Variants in KIAA1671 observed in about 807,000 individuals in gnomAD.
KIAA1671 encodes the protein uncharacterized protein KIAA1671.
In KIAA1671, 52 loss-of-function variants were observed where a neutral mutation model predicts 131.2. The observed-to-expected ratio is 0.40, with a 90% CI of 0.32 to 0.50. The LOEUF is 0.50. KIAA1671 is among the 20% of genes least tolerant of loss of function. KIAA1671 has a pLI of 0.73. For synonymous variants in KIAA1671, 1,003 were observed against 961.6 expected (o/e 1.04, Z -0.80); for missense variants, 2,360 against 2,364.2 (o/e 1.00, Z 0.04).
At chr22:24,957,866 C>T (rs1401840493) in intron 1 of KIAA1671, among the ~76,000 whole-genome samples, 2 of 151,132 alleles carry the variant, frequency 1.3e-5, no homozygotes, top group Admixed American at 6.6e-5. Context: ...TTATTAGAGA[C>T]AGGGTTTCTC....
At chr22:25,160,455 T>C (rs575940131) in intron 6 of KIAA1671, among the ~76,000 whole-genome samples, 2 of 152,316 alleles carry the variant, frequency 1.3e-5, no homozygotes, top group Admixed American at 1.3e-4. Flanking sequence ...GCTTGCTCTT[T>C]CGGTTCGGTC....
intron 7 of KIAA1671, 31 bp from the exon 8 acceptor site, chr22:25,174,209 C>G (rs1462149274): frequency 1.3e-6 from 2 of 1,549,370 alleles, no homozygotes; most frequent in Admixed American, 2.0e-5. Flanking sequence ...TTCTCCATAA[C>G]CATGTCTCCC....
At chr22:25,065,248 A>G (rs1928404277) in intron 6 of KIAA1671, 1 of 152,094 alleles carries the variant, frequency 6.6e-6, no homozygotes, top group Admixed American at 6.5e-5. Flanking sequence ...GAGCACCTGA[A>G]AAAAAAGGGT....
At chr22:25,113,917 C>G (rs1194279395) in intron 6 of KIAA1671, among the ~76,000 whole-genome samples, 2 of 152,162 alleles carry the variant, frequency 1.3e-5, no homozygotes, top group Non-Finnish European at 2.9e-5. Flanking sequence ...GTTTCTCTGT[C>G]ACTCCTGTTC....
chr22:25,165,670 G>A (rs1933620182), intron 6 of KIAA1671, among the ~76,000 whole-genome samples: 1 of 152,182 alleles, frequency 6.6e-6, no homozygotes, highest in South Asian at 2.1e-4. Flanking sequence ...CAGATGTAGA[G>A]ACCTGAGGTC....
At chr22:25,081,350 A>G (rs1929395818) in intron 6 of KIAA1671, among the ~76,000 whole-genome samples, 1 of 152,210 alleles carries the variant, frequency 6.6e-6, no homozygotes, top group African/African-American at 2.4e-5. Context: ...GCTCTGTGAC[A>G]TTGAACAGGT....
chr22:25,067,882 A>G (rs371280956), intron 6 of KIAA1671, among the ~76,000 whole-genome samples: 195 of 152,342 alleles, frequency 1.3e-3, no homozygotes, highest in African/African-American at 4.4e-3. Context: ...CCCCACTTCT[A>G]TTAATCCCTC....
Position 24,986,213 on chromosome 22 carries a change from G to A in KIAA1671, c.-208+33441G>A, listed in dbSNP as rs943621967. On this transcript the variant is annotated intron_variant, in intron 1 of 12. Coordinates refer to ENST00000358431, the MANE Select transcript of KIAA1671 (RefSeq NM_001145206.2). Reference sequence around the variant, plus strand: ...TTCTGGTTTGTGACTCTGGAGGGGCGTTTGGCCACCCTAAGGGATGACGCT... The same window carrying A: ...TTCTGGTTTGTGACTCTGGAGGGGCATTTGGCCACCCTAAGGGATGACGCT... Among the ~76,000 whole-genome samples the A allele has an allele frequency of 5.3e-5, 8 of 152,144 alleles. No homozygotes were observed. The East Asian group carries it at 1.2e-3, about 22-fold the overall frequency.
chr22:25,040,659 A>G lies in KIAA1671; in HGVS notation c.3529A>G (p.Arg1177Gly). 1 of 1,552,102 alleles carries G rather than the reference A, an allele frequency of 6.4e-7. No homozygotes were observed. Among genetic ancestry groups the G allele is most frequent in the Non-Finnish European group, 8.7e-7 (1 of 1,147,082 alleles). Residue 1177 changes from arginine to glycine, a missense_variant, in exon 5 of 13, where the codon AGG becomes GGG. Physicochemically the swap from Arg to Gly is moderately radical, Grantham distance 125 (BLOSUM62 -2). Coordinates refer to ENST00000358431, the MANE Select transcript of KIAA1671 (RefSeq NM_001145206.2). The part of the protein sequence containing the change: ...RSRPKDLPVR[R>G]KTDVISDTFP... Reference sequence around the variant, plus strand: ...TCGTCCAAAAGATCTTCCTGTGAGAAGGAAGACTGATGTGATCAGTGACAC... The same window carrying G: ...TCGTCCAAAAGATCTTCCTGTGAGAGGGAAGACTGATGTGATCAGTGACAC...
intron 6 of KIAA1671, among the ~76,000 whole-genome samples, chr22:25,166,370 A>AT (rs1933645985): frequency 6.6e-6 from 1 of 152,154 alleles, no homozygotes; most frequent in East Asian, 1.9e-4. Context: ...AGATGGTTGT[A>AT]TAAAGGGAAG....
At chr22:25,066,717 C>T (rs975371523) in intron 6 of KIAA1671, among the ~76,000 whole-genome samples, 3 of 152,094 alleles carry the variant, frequency 2.0e-5, no homozygotes, top group Non-Finnish European at 4.4e-5. Context: ...TTTTAGGGGT[C>T]TCCATTCAAC....
chr22:25,056,744 G>C (rs1457922050), intron 6 of KIAA1671: 1 of 150,942 alleles, frequency 6.6e-6, no homozygotes, highest in African/African-American at 2.4e-5. Context: ...AACCCGGGAG[G>C]TGGAGTTGCA....
intron 1 of KIAA1671, among the ~76,000 whole-genome samples, chr22:25,021,601 T>C (rs1925671624): frequency 6.6e-6 from 1 of 151,832 alleles, no homozygotes; most frequent in Non-Finnish European, 1.5e-5. Flanking sequence ...GCTTGATAAT[T>C]GTGTATTGGA....
chr22:25,177,837 G>A (rs940700764), intron 9 of KIAA1671, among the ~76,000 whole-genome samples: 21 of 152,064 alleles, frequency 1.4e-4, no homozygotes, highest in African/African-American at 4.8e-4. Flanking sequence ...AAAGCCACAT[G>A]TGGGCAGCCT....
chr22:25,031,486 A>G lies in KIAA1671; in HGVS notation c.1542-1123A>G, dbSNP rs953398704. Among the ~76,000 whole-genome samples, 815 of 151,220 alleles carry G rather than the reference A, an allele frequency of 5.4e-3. 4 individuals carry two copies. The highest frequency in any genetic ancestry group is 0.01 in the Middle Eastern group (3 of 288). On this transcript the variant is annotated intron_variant, in intron 3 of 12. Transcript: ENST00000358431. ...GCTGGGATTACAGGCGTGAGCCACCACGCCCGGCCTAATTTTTGTATTTTT... is the reference window on the plus strand; with the variant it reads ...GCTGGGATTACAGGCGTGAGCCACCGCGCCCGGCCTAATTTTTGTATTTTT...
chr22:24,958,852 C>T (rs905306093), intron 1 of KIAA1671, among the ~76,000 whole-genome samples: 3 of 150,704 alleles, frequency 2.0e-5, no homozygotes, highest in Admixed American at 6.6e-5. Context: ...TATGGTGGCA[C>T]ATGCCTGTAA....
At chr22:24,955,479 G>T (rs537221672) in intron 1 of KIAA1671, among the ~76,000 whole-genome samples, 4 of 152,322 alleles carry the variant, frequency 2.6e-5, no homozygotes, top group Admixed American at 1.3e-4. Flanking sequence ...TGCAGAAATG[G>T]AATAGCTTGT....
intron 6 of KIAA1671, among the ~76,000 whole-genome samples, chr22:25,088,650 CT>C (rs367707416): frequency 4.1e-4 from 62 of 152,152 alleles, no homozygotes; most frequent in African/African-American, 1.2e-3. Context: ...AAATAAATAA[CT>C]TTTTTTTAAT....
chr22:25,020,612 T>C (rs1925613687), intron 1 of KIAA1671, among the ~76,000 whole-genome samples: 1 of 151,714 alleles, frequency 6.6e-6, no homozygotes, highest in Admixed American at 6.6e-5. Flanking sequence ...CAGTGCTGGG[T>C]GAAGGGGAAG....
Sources: gnomAD v4.1 joint callset for allele counts (sites outside exome capture counted in the v4.1 genomes callset) on GRCh38, gnomAD v4.1.1 for gene constraint, MANE v1.5 for transcripts, NCBI Gene and HGNC (gene_info 2026-07-23, HGNC 2026-07-21) for gene names.